MPLKIP: variants seen among roughly 807,000 people sequenced by gnomAD.
The protein encoded by MPLKIP is M-phase specific PLK1 interacting protein.
In MPLKIP, 16 loss-of-function variants were observed where a neutral mutation model predicts 16.9. The observed-to-expected ratio is 0.94, with a 90% CI of 0.64 to 1.43. The LOEUF is 1.43. MPLKIP is among the 40% of genes most tolerant of loss of function. MPLKIP has a pLI of 0.00. For missense variants in MPLKIP, 282 were observed against 237.6 expected (o/e 1.19, Z -1.23); for synonymous variants, 126 against 98.4 (o/e 1.28, Z -1.66).
chr7:40,134,404 C>T lies in MPLKIP; in HGVS notation c.164G>A (p.Gly55Glu), dbSNP rs917899841. 6.4e-7 allele frequency: 1 copy of T among 1,562,970 alleles called. No individual in the cohort carries two copies. The change falls in exon 1 of 2, where the codon GGG becomes GAG. Residue 55 changes from glycine to glutamate, a missense_variant. Transcript: ENST00000306984. ...YGSPHHTPPYGPRSRPYGSSH... is the reference protein window; with the variant it reads ...YGSPHHTPPYEPRSRPYGSSH... ...GCTCCCGTACGGCCTAGACCGGGGC[C>T]CGTACGGCGGCGTGTGGTGCGGACT... is the stretch of plus-strand genomic sequence containing the variant.
rs896059525 is a variant in MPLKIP at position 40,127,474 on chromosome 7, C to T, written c.*5585G>A. On this transcript the variant is annotated 3_prime_UTR_variant, in exon 2 of 2. Coordinates refer to ENST00000306984, the MANE Select transcript of MPLKIP (RefSeq NM_138701.4). ...TGTGAGCTGGGTGTAGTGTCACACA[C>T]CTGTAATCCCAGCTACTTGGGAGGC... is the stretch of plus-strand genomic sequence containing the variant. The T allele has an allele frequency of 1.2e-4, 18 of 152,200 alleles. No individual in the cohort carries two copies. Among genetic ancestry groups the T allele is most frequent in the Admixed American group, 3.3e-4 (5 of 15,270 alleles). The allele number at this position is 152,200 out of a possible 1,614,324, so 9.4% of individuals were successfully genotyped here.
chr7:40,134,325 C>G lies in MPLKIP; in HGVS notation c.243G>C (p.Pro81=). Residue 81 remains proline, a synonymous_variant, in exon 1 of 2, where the codon CCG becomes CCC. Transcript: ENST00000306984. ...GSFPGGRFGS[P]SPGGYPGSYS... ...AGGAGCCAGGGTAGCCGCCAGGGGA[C>G]GGAGACCCGAACCGGCCCCCCGGGA... 6.4e-7 allele frequency: 1 copy of G among 1,554,264 alleles called. No individual in the cohort carries two copies. The highest frequency in any genetic ancestry group is 8.7e-7 in the Non-Finnish European group (1 of 1,149,430).
rs1182027366 is a variant in MPLKIP, at chr7:40,134,373, G to A, written c.195C>T (p.His65=). Reference sequence around the variant, plus strand: ...GGAAGCTGCCGCCGTGTCGCGGAGAGTGACTGCTCCCGTACGGCCTAGACC... The same window carrying A: ...GGAAGCTGCCGCCGTGTCGCGGAGAATGACTGCTCCCGTACGGCCTAGACC... The part of the protein sequence containing the change: ...GPRSRPYGSS[H]SPRHGGSFPG... Residue 65 remains histidine, a synonymous_variant, in exon 1 of 2, where the codon CAC becomes CAT. Transcript: ENST00000306984. 2.6e-6 allele frequency: 4 copies of A among 1,556,354 alleles called. No individual in the cohort carries two copies. The African/African-American group carries it at 5.4e-5, about 21-fold the overall frequency.
rs987836947 is a variant in MPLKIP, at chr7:40,129,376, C to G, written c.*3683G>C. ...GGTTCAAGTGATTCTTCTGCCTCAG[C>G]CTCCCCAGTAGCTGGTATTACAGGC... On this transcript the variant is annotated 3_prime_UTR_variant, in exon 2 of 2. Coordinates refer to ENST00000306984, the MANE Select transcript of MPLKIP (RefSeq NM_138701.4). 6.6e-6 allele frequency: 1 copy of G among 151,970 alleles called. No individual in the cohort carries two copies. 9.4% of individuals were successfully genotyped at this position (151,970 alleles called of 1,614,324 possible).
intron 1 of MPLKIP, among the ~76,000 whole-genome samples, chr7:40,133,920 T>C (rs1288068249): frequency 6.6e-6 from 1 of 151,710 alleles, no homozygotes; most frequent in Admixed American, 6.6e-5. Context: ...AAAGAACTAT[T>C]TCTTGAAACA....
At position 40,127,980 on chromosome 7, in the gene MPLKIP, T is replaced by A. The variant is rs111874274; in HGVS notation, c.*5079A>T. ...ACTGCTTGAACCCAGGAGGCGGAGG[T>A]TGCAGTGAGCCGAGATCACACCACT... On this transcript the variant is annotated 3_prime_UTR_variant, in exon 2 of 2. Transcript: ENST00000306984. The A allele has an allele frequency of 6.6e-6, 1 of 151,412 alleles. No individual in the cohort carries two copies. Among genetic ancestry groups the A allele is most frequent in the Admixed American group, 6.6e-5 (1 of 15,156 alleles). The allele number at this position is 151,412 out of a possible 1,614,324, so 9.4% of individuals were successfully genotyped here. A position where few individuals can be genotyped will look rare whatever the true frequency, so the allele number is the denominator to read the frequency against.
Position 40,133,186 on chromosome 7 carries a change from T to A in MPLKIP, c.413A>T (p.Asn138Ile). 1 of 1,613,928 alleles carries A rather than the reference T, an allele frequency of 6.2e-7. No homozygotes were observed. Among genetic ancestry groups the A allele is most frequent in the South Asian group, 1.1e-5 (1 of 91,076 alleles). The change falls in exon 2 of 2, where the codon AAT becomes ATT. Residue 138 changes from asparagine (N) to isoleucine (I), a missense_variant. Asn to Ile is a moderately radical substitution (Grantham distance 149). Coordinates refer to ENST00000306984, the MANE Select transcript of MPLKIP (RefSeq NM_138701.4). Reference sequence around the variant, plus strand: ...TTCAAGCATTGAAGGCTTGAAATAATTTTCCAACTCATTAGACATTCTTTT... The same window carrying A: ...TTCAAGCATTGAAGGCTTGAAATAAATTTCCAACTCATTAGACATTCTTTT... ...REKRMSNELENYFKPSMLEDP... is the reference protein window; with the variant it reads ...REKRMSNELEIYFKPSMLEDP...
intron 1 of MPLKIP, 41 bp downstream of exon 1, chr7:40,134,188 C>CTT: frequency 6.5e-7 from 1 of 1,540,694 alleles, no homozygotes; most frequent in Non-Finnish European, 8.8e-7. Flanking sequence ...CCGTGCCTGC[C>CTT]ATAAAGTAAG....
Position 40,134,081 on chromosome 7 carries a change from T to C in MPLKIP, c.339+148A>G, listed in dbSNP as rs116048314. 4.6e-3 allele frequency: 4,027 copies of C among 882,458 alleles called. 110 individuals carry two copies. The African/African-American group carries it at 0.062, about 14-fold the overall frequency. The allele number at this position is 882,458 out of a possible 1,614,324, so 54.7% of individuals were successfully genotyped here. A position where few individuals can be genotyped will look rare whatever the true frequency, so the allele number is the denominator to read the frequency against. On this transcript the variant is annotated intron_variant, in intron 1 of 1. Coordinates refer to ENST00000306984, the MANE Select transcript of MPLKIP (RefSeq NM_138701.4). The stretch of plus-strand genomic sequence containing the variant: ...GATAATCTTCCGGAAGTCACTCAAC[T>C]TCTCTAAGCCTCAGTTCGCTCATCT...
Position 40,128,907 on chromosome 7 carries a change from C to T in MPLKIP, c.*4152G>A, listed in dbSNP as rs1344015053. On this transcript the variant is annotated 3_prime_UTR_variant, in exon 2 of 2. Coordinates refer to ENST00000306984, the MANE Select transcript of MPLKIP (RefSeq NM_138701.4). Reference sequence around the variant, plus strand: ...CTCCAGCATGGGTGACAGAACAAGACTTCGTCTCAAAAAAAAAAAAAAAAA... The same window carrying T: ...CTCCAGCATGGGTGACAGAACAAGATTTCGTCTCAAAAAAAAAAAAAAAAA... 3.2e-5 allele frequency: 3 copies of T among 95,192 alleles called. No homozygotes were observed. The highest frequency in any genetic ancestry group is 1.4e-4 in the Admixed American group (1 of 7,002). The allele number at this position is 95,192 out of a possible 1,614,324, so 5.9% of individuals were successfully genotyped here.
In MPLKIP at chr7:40,126,833, G is replaced by T. The variant is rs1180921516; in HGVS notation, c.*6226C>A. ...TTTTTTTTTTTTATTTTGAGACAGA[G>T]TCTCGCTCTGTCGCCCAGGCTGGAG... On this transcript the variant is annotated 3_prime_UTR_variant, in exon 2 of 2. Coordinates refer to ENST00000306984, the MANE Select transcript of MPLKIP (RefSeq NM_138701.4). 3.5e-5 allele frequency: 5 copies of T among 142,696 alleles called. No individual in the cohort carries two copies. The highest frequency in any genetic ancestry group is 1.3e-4 in the African/African-American group (5 of 38,472). 8.8% of individuals were successfully genotyped at this position (142,696 alleles called of 1,614,324 possible).
rs1787483150 is a variant in MPLKIP at position 40,132,995 on chromosome 7, A to G, written c.*64T>C. On this transcript the variant is annotated 3_prime_UTR_variant, in exon 2 of 2. Coordinates refer to ENST00000306984, the MANE Select transcript of MPLKIP (RefSeq NM_138701.4). ...CATCTTTGGGTAAATTTATATCAAC[A>G]CAACTTAAAGTTTTGTCCAAGATGT... is the stretch of plus-strand genomic sequence containing the variant. The G allele has an allele frequency of 4.2e-6, 6 of 1,425,756 alleles. No homozygotes were observed. Among genetic ancestry groups the G allele is most frequent in the Non-Finnish European group, 5.9e-6 (6 of 1,017,848 alleles). The allele number at this position is 1,425,756 out of a possible 1,614,324, so 88.3% of individuals were successfully genotyped here. A position where few individuals can be genotyped will look rare whatever the true frequency, so the allele number is the denominator to read the frequency against.
chr7:40,134,279 AC>A lies in MPLKIP; in HGVS notation c.288del (p.Ser97ProfsTer56). 1 of 1,560,252 alleles carries A rather than the reference AC, an allele frequency of 6.4e-7. No homozygotes were observed. The highest frequency in any genetic ancestry group is 1.2e-5 in the South Asian group (1 of 84,834). ...GGGGAGTAGCCGAATTGCTGCTGGG[AC>A]CCCGCGGGGGACCTGGAGTAGGAGC... ...YPGSYSRSPA[G>X]SQQQFGYSPG... is the part of the protein sequence containing the mutation. On this transcript the variant is annotated frameshift_variant, in exon 1 of 2. Transcript: ENST00000306984. LOFTEE classifies it high-confidence loss of function.
rs767715729 is a variant in MPLKIP, at chr7:40,134,584, G to A, written c.-17C>T. On this transcript the variant is annotated 5_prime_UTR_variant, in exon 1 of 2. Transcript: ENST00000306984. ...TCGCTGCATATCAGGAGCCAAAGCC[G>A]AAAACCTCGCAGCCGCGTTCTCCCA... is the stretch of plus-strand genomic sequence containing the variant. 56 of 1,570,648 alleles carry A rather than the reference G, an allele frequency of 3.6e-5. No individual in the cohort carries two copies. The highest frequency in any genetic ancestry group is 4.0e-4 in the Middle Eastern group (2 of 4,964).
In MPLKIP at chr7:40,129,049, C is replaced by T. The variant is rs1787427735; in HGVS notation, c.*4010G>A. 1 of 151,942 alleles carries T rather than the reference C, an allele frequency of 6.6e-6. No individual in the cohort carries two copies. The highest frequency in any genetic ancestry group is 2.1e-4 in the South Asian group (1 of 4,822). The allele number at this position is 151,942 out of a possible 1,614,324, so 9.4% of individuals were successfully genotyped here. Reference sequence around the variant, plus strand: ...AGGTAGATGAGGCAAAGAGCCTCACCATTTGCTTTTTGCCTAAAAATAAGG... The same window carrying T: ...AGGTAGATGAGGCAAAGAGCCTCACTATTTGCTTTTTGCCTAAAAATAAGG... On this transcript the variant is annotated 3_prime_UTR_variant, in exon 2 of 2. Transcript: ENST00000306984.
chr7:40,133,398 T>C lies in MPLKIP; in HGVS notation c.340-139A>G, dbSNP rs10260230. 13,690 of 741,006 alleles carry C rather than the reference T, an allele frequency of 0.018. 1,233 individuals carry two copies. The African/African-American group carries it at 0.2, about 11-fold the overall frequency. The allele number at this position is 741,006 out of a possible 1,614,324, so 45.9% of individuals were successfully genotyped here. A position where few individuals can be genotyped will look rare whatever the true frequency, so the allele number is the denominator to read the frequency against. ...AAATAATGTTCAATTACAAAGTCCA[T>C]GCTTCCTTTAATCAAGTGTTCCTAT... On this transcript the variant is annotated intron_variant, in intron 1 of 1. Coordinates refer to ENST00000306984, the MANE Select transcript of MPLKIP (RefSeq NM_138701.4).
In MPLKIP at chr7:40,131,311, C is replaced by T. The variant is rs1787459261; in HGVS notation, c.*1748G>A. 6.6e-6 allele frequency: 1 copy of T among 152,108 alleles called. No homozygotes were observed. The highest frequency in any genetic ancestry group is 6.5e-5 in the Admixed American group (1 of 15,270). 9.4% of individuals were successfully genotyped at this position (152,108 alleles called of 1,614,324 possible). A position where few individuals can be genotyped will look rare whatever the true frequency, so the allele number is the denominator to read the frequency against. On this transcript the variant is annotated 3_prime_UTR_variant, in exon 2 of 2. Coordinates refer to ENST00000306984, the MANE Select transcript of MPLKIP (RefSeq NM_138701.4). ...GAGGTGTGACCATTTTGTTTTTACA[C>T]GTTTCTTTCTGGGAATGTTGAAACA...
At position 40,133,312 on chromosome 7, in the gene MPLKIP, CT is replaced by C. The variant is rs138340997; in HGVS notation, c.340-54del. The C allele has an allele frequency of 1.4e-3, 2,117 of 1,479,740 alleles. 28 individuals are homozygous for C. In the African/African-American group the frequency reaches 0.025, roughly 17 times the overall value. 91.7% of individuals were successfully genotyped at this position (1,479,740 alleles called of 1,614,324 possible). ...CACTTAGTAAAGATAATTGGTACTTCTTCCTTTAGCTAAAGGTTAGCGGGAA... is the reference window on the plus strand; with the variant it reads ...CACTTAGTAAAGATAATTGGTACTTCTCCTTTAGCTAAAGGTTAGCGGGAA... On this transcript the variant is annotated intron_variant, in intron 1 of 1. Coordinates refer to ENST00000306984, the MANE Select transcript of MPLKIP (RefSeq NM_138701.4).
In MPLKIP at chr7:40,133,266, A is replaced by C; in HGVS notation, c.340-7T>G. 3 of 1,608,950 alleles carry C rather than the reference A, an allele frequency of 1.9e-6. No individual in the cohort carries two copies. The highest frequency in any genetic ancestry group is 2.5e-6 in the Non-Finnish European group (3 of 1,178,170). On this transcript the variant is annotated splice_polypyrimidine_tract_variant and splice_region_variant and intron_variant, in intron 1 of 1. Coordinates refer to ENST00000306984, the MANE Select transcript of MPLKIP (RefSeq NM_138701.4). Reference sequence around the variant, plus strand: ...TAGATGTCCTTGGAGAACCCTTTAGAAAAAAAATCAGTTAAAAAAACACTT... The same window carrying C: ...TAGATGTCCTTGGAGAACCCTTTAGCAAAAAAATCAGTTAAAAAAACACTT...
Sources: allele counts gnomAD v4.1 joint callset (sites outside exome capture counted in the v4.1 genomes callset), GRCh38; gene constraint gnomAD v4.1.1; transcripts MANE v1.5; gene names NCBI Gene and HGNC (gene_info 2026-07-23, HGNC 2026-07-21).